MGAT4C: variants seen among roughly 807,000 people sequenced by gnomAD.
MGAT4C encodes alpha-1,3-mannosyl-glycoprotein 4-beta-N-acetylglucosaminyltransferase C.
In MGAT4C, 19 loss-of-function variants were observed where a neutral mutation model predicts 40.1. The ratio of observed to expected loss-of-function variants is 0.47; its 90% CI spans 0.33 to 0.70. The LOEUF (loss-of-function observed/expected upper bound fraction) is 0.70. Ranked by LOEUF, MGAT4C falls within the 30% of genes least tolerant of loss-of-function variation. The pLI, the probability that MGAT4C is intolerant of heterozygous loss-of-function variation, is 0.02. For synonymous variants in MGAT4C, 181 were observed against 187.1 expected, an observed-to-expected ratio of 0.97 and a Z score of 0.27; for missense variants, 491 against 563.2, an observed-to-expected ratio of 0.87 and a Z score of 1.30.
chr12:86,259,234 C>T (rs1459541090), upstream of MGAT4C, among the ~76,000 whole-genome samples: 1 of 151,780 alleles, frequency 6.6e-6, no homozygotes, highest in Non-Finnish European at 1.5e-5. Context: ...TACTAAACTT[C>T]AAGACCTTTC....
intron 2 of MGAT4C, among the ~76,000 whole-genome samples, chr12:86,470,935 G>C (rs1410423801): frequency 6.6e-6 from 1 of 151,910 alleles, no homozygotes; most frequent in Middle Eastern, 3.2e-3. Context: ...CTTCTTATCA[G>C]ACATTTATGA....
intron 4 of MGAT4C, among the ~76,000 whole-genome samples, chr12:86,330,753 T>A (rs1220981124): frequency 6.6e-6 from 1 of 152,216 alleles, no homozygotes. Flanking sequence ...CTGTATATAG[T>A]GTTTAAGTTT....
chr12:86,221,209 T>G (rs560480090), intron 1 of MGAT4C, among the ~76,000 whole-genome samples: 1 of 152,174 alleles, frequency 6.6e-6, no homozygotes, highest in Non-Finnish European at 1.5e-5. Context: ...TCGTGGGGGC[T>G]TCTGTTAAGG....
chr12:86,577,208 T>C (rs1471080106), intron 2 of MGAT4C, among the ~76,000 whole-genome samples: 1 of 151,818 alleles, frequency 6.6e-6, no homozygotes, highest in Non-Finnish European at 1.5e-5. Context: ...TTTTCTTGTG[T>C]AGTCTTTAGT....
intron 1 of MGAT4C, among the ~76,000 whole-genome samples, chr12:86,053,940 T>G (rs1370148307): frequency 6.6e-6 from 1 of 151,594 alleles, no homozygotes; most frequent in Non-Finnish European, 1.5e-5. Context: ...AGATGAAAAA[T>G]AAGTGTTAGG....
intron 4 of MGAT4C, among the ~76,000 whole-genome samples, chr12:86,289,341 G>T (rs1953442953): frequency 6.6e-6 from 1 of 152,072 alleles, no homozygotes. Flanking sequence ...TGGGTAATTG[G>T]ATGCCTCGGG....
rs35503864 is a variant in MGAT4C, at chr12:86,268,664, C to CATATATAT, written c.-57+65393_-57+65400dup. Among the ~76,000 whole-genome samples, 1,437 of 143,768 alleles carry CATATATAT rather than the reference C, an allele frequency of 1.0e-2. 30 individuals carry two copies. The highest frequency in any genetic ancestry group is 0.047 in the Admixed American group (671 of 14,194). The allele number at this position is 143,768 out of a possible 152,430, so 94.3% of individuals were successfully genotyped here. A position where few individuals can be genotyped will look rare whatever the true frequency, so the allele number is the denominator to read the frequency against. Reference sequence around the variant, plus strand: ...CAAACAAACAAAAGGATATTAACTACATATATATATATATACATATATACA... The same window carrying CATATATAT: ...CAAACAAACAAAAGGATATTAACTACATATATATATATATATATATATACATATATACA... On this transcript the variant is annotated intron_variant, in intron 4 of 7. Transcript: ENST00000548651.
At chr12:86,689,461 A>T (rs1378592029) in intron 2 of MGAT4C, among the ~76,000 whole-genome samples, 2 of 151,786 alleles carry the variant, frequency 1.3e-5, no homozygotes, top group South Asian at 2.1e-4. Context: ...TCTACCTTTG[A>T]TATTTGAGGA....
intron 2 of MGAT4C, among the ~76,000 whole-genome samples, chr12:86,553,538 C>T (rs1959464254): frequency 6.6e-6 from 1 of 152,138 alleles, no homozygotes; most frequent in Non-Finnish European, 1.5e-5. Flanking sequence ...CCCATTGAAT[C>T]AGCTTCATAC....
intron 1 of MGAT4C, among the ~76,000 whole-genome samples, chr12:86,123,018 C>T (rs1184799631): frequency 1.3e-5 from 2 of 152,042 alleles, no homozygotes; most frequent in Non-Finnish European, 2.9e-5. Context: ...CTAGACAAGC[C>T]AGTATTAGTC....
rs1882833635 is a variant in MGAT4C at position 85,957,101 on chromosome 12, A to G, written c.*22188T>C. On this transcript the variant is annotated 3_prime_UTR_variant, in exon 5 of 5. Transcript: ENST00000611864. ...AAAAATATGTTATTATTTTGTTATT[A>G]TCTATATTTCCTCATAGCAGCTCCT... 6.6e-6 allele frequency: 1 copy of G among 152,144 alleles called. No homozygotes were observed. The highest frequency in any genetic ancestry group is 1.5e-5 in the Non-Finnish European group (1 of 68,018). 9.4% of individuals were successfully genotyped at this position (152,144 alleles called of 1,614,324 possible).
At chr12:86,650,862 C>A (rs571655762) in intron 2 of MGAT4C, among the ~76,000 whole-genome samples, 26 of 151,964 alleles carry the variant, frequency 1.7e-4, no homozygotes, top group East Asian at 1.2e-3. Flanking sequence ...AGCACTGAAC[C>A]TTTTGGTGAT....
At chr12:86,336,623 C>T (rs908718827) in intron 3 of MGAT4C, among the ~76,000 whole-genome samples, 1 of 152,128 alleles carries the variant, frequency 6.6e-6, no homozygotes, top group Non-Finnish European at 1.5e-5. Context: ...GAAATATCAT[C>T]AAAGCCAGTC....
chr12:86,153,820 T>C (rs1884592561), intron 1 of MGAT4C, among the ~76,000 whole-genome samples: 1 of 152,218 alleles, frequency 6.6e-6, no homozygotes, highest in South Asian at 2.1e-4. Context: ...GTGAGTCAAT[T>C]AAACCTCATT....
chr12:86,671,407 T>A (rs1964252776), intron 2 of MGAT4C, among the ~76,000 whole-genome samples: 1 of 152,094 alleles, frequency 6.6e-6, no homozygotes, highest in Non-Finnish European at 1.5e-5. Context: ...CCCATGAAGT[T>A]TATAATGAAT....
At chr12:86,251,654 C>A (rs1327011883) in intron 1 of MGAT4C, among the ~76,000 whole-genome samples, 1 of 151,988 alleles carries the variant, frequency 6.6e-6, no homozygotes, top group Non-Finnish European at 1.5e-5. Context: ...TTTCACTCAG[C>A]TCCATATTTT....
At chr12:86,423,711 C>G (rs1956874953) in intron 3 of MGAT4C, among the ~76,000 whole-genome samples, 1 of 152,046 alleles carries the variant, frequency 6.6e-6, no homozygotes, top group South Asian at 2.1e-4. Flanking sequence ...TGTAAAATAT[C>G]CATTCATAAT....
chr12:86,242,481 C>CT (rs1206801364), intron 1 of MGAT4C, among the ~76,000 whole-genome samples: 1 of 152,056 alleles, frequency 6.6e-6, no homozygotes, highest in African/African-American at 2.4e-5. Flanking sequence ...AAACAAGTAT[C>CT]TTTTTTGCTA....
chr12:86,445,248 G>A (rs1487479682), intron 2 of MGAT4C, among the ~76,000 whole-genome samples: 1 of 152,022 alleles, frequency 6.6e-6, no homozygotes, highest in Non-Finnish European at 1.5e-5. Context: ...CTAAAAATTA[G>A]AAAGAAAATA....
Sources: allele counts gnomAD v4.1 joint callset (sites outside exome capture counted in the v4.1 genomes callset), GRCh38; gene constraint gnomAD v4.1.1; transcripts MANE v1.5; gene names NCBI Gene and HGNC (gene_info 2026-07-23, HGNC 2026-07-21).